The following SCHIP1 variants were observed in gnomAD, a reference collection of about 807,000 sequenced individuals.
The protein encoded by SCHIP1 is schwannomin-interacting protein 1.
SCHIP1 carries 8 observed loss-of-function variants against 29.7 expected under a neutral mutation model. The ratio of observed to expected loss-of-function variants is 0.27; its 90% CI spans 0.16 to 0.49. The LOEUF is 0.49. Among genes scored for constraint, SCHIP1 ranks in the 20% least tolerant of loss-of-function variants. The pLI is 0.99. For synonymous variants in SCHIP1, 76 were observed against 94.9 expected (o/e 0.80, Z 1.16); for missense variants, 193 against 294.6 (o/e 0.66, Z 2.52).
the SCHIP1 span, among the ~76,000 whole-genome samples, chr3:159,705,357 A>C: frequency 1.3e-3 from 191 of 152,234 alleles, no homozygotes; most frequent in African/African-American, 4.5e-3. Flanking sequence ...AGGATGGTTA[A>C]ATTGAGAATA....
chr3:159,289,379 C>T, the SCHIP1 span, among the ~76,000 whole-genome samples: 17,043 of 151,798 alleles, frequency 0.11, 1,080 homozygotes, highest in Middle Eastern at 0.14. Context: ...CCACACCAGC[C>T]TATAAGTTCA....
chr3:159,505,712 A>G, the SCHIP1 span, among the ~76,000 whole-genome samples: 1 of 152,130 alleles, frequency 6.6e-6, no homozygotes, highest in African/African-American at 2.4e-5. Context: ...ATGAGTGAGA[A>G]CATGAGGTGT....
the SCHIP1 span, among the ~76,000 whole-genome samples, chr3:159,806,597 G>T: frequency 4.3e-4 from 66 of 152,236 alleles, no homozygotes; most frequent in South Asian, 1.0e-3. Context: ...GGCACCAAAG[G>T]ACAGAGAGGA....
the SCHIP1 span, among the ~76,000 whole-genome samples, chr3:159,395,481 A>G: frequency 6.7e-6 from 1 of 149,772 alleles, no homozygotes; most frequent in Non-Finnish European, 1.5e-5. Flanking sequence ...CCCTCTACAC[A>G]CTGCTTTGAA....
the SCHIP1 span, among the ~76,000 whole-genome samples, chr3:159,378,575 G>C: frequency 3.9e-5 from 6 of 152,258 alleles, no homozygotes; most frequent in African/African-American, 1.4e-4. Flanking sequence ...TGCTTAATTG[G>C]TGTCAAGCTA....
At chr3:159,835,647 C>A (rs1743588696), upstream of SCHIP1, among the ~76,000 whole-genome samples, 1 of 152,070 alleles carries the variant, frequency 6.6e-6, no homozygotes, top group Non-Finnish European at 1.5e-5. Context: ...ATTTTATGTA[C>A]AAAGAAATGC....
chr3:159,789,867 A>G, the SCHIP1 span, among the ~76,000 whole-genome samples: 1 of 152,216 alleles, frequency 6.6e-6, no homozygotes, highest in Admixed American at 6.5e-5. Flanking sequence ...CACTAAAACT[A>G]CGGTGGTGAG....
chr3:159,472,438 T>C, the SCHIP1 span, among the ~76,000 whole-genome samples: 1 of 152,136 alleles, frequency 6.6e-6, no homozygotes, highest in Admixed American at 6.6e-5. Context: ...TTGCCCAAGG[T>C]CACACAGTGC....
At chr3:159,808,957 C>CA in the SCHIP1 span, among the ~76,000 whole-genome samples, 8,941 of 142,670 alleles carry the variant, frequency 0.063, 885 homozygotes, top group African/African-American at 0.21. Context: ...AACTCCGTCT[C>CA]AAAAAAAAAG....
chr3:159,737,007 T>C, the SCHIP1 span, among the ~76,000 whole-genome samples: 2 of 152,208 alleles, frequency 1.3e-5, no homozygotes, highest in Non-Finnish European at 2.9e-5. Context: ...GTGCTGGGAT[T>C]ACAGGCGTGA....
chr3:159,717,652 C>T, the SCHIP1 span, among the ~76,000 whole-genome samples: 1 of 152,154 alleles, frequency 6.6e-6, no homozygotes, highest in Non-Finnish European at 1.5e-5. Context: ...AATTCCTGAA[C>T]ACATACACCA....
the SCHIP1 span, among the ~76,000 whole-genome samples, chr3:159,749,494 A>T: frequency 6.6e-6 from 1 of 152,166 alleles, no homozygotes; most frequent in Non-Finnish European, 1.5e-5. Flanking sequence ...CTCCTTGGCC[A>T]TTGCTGTGGA....
At chr3:159,424,619 A>G in the SCHIP1 span, among the ~76,000 whole-genome samples, 41 of 152,360 alleles carry the variant, frequency 2.7e-4, no homozygotes, top group Middle Eastern at 6.8e-3. Flanking sequence ...AACACTCTGC[A>G]GGATATTATC....
At chr3:159,642,740 G>A in the SCHIP1 span, among the ~76,000 whole-genome samples, 1 of 152,086 alleles carries the variant, frequency 6.6e-6, no homozygotes, top group Admixed American at 6.6e-5. Flanking sequence ...TGCAGATTGT[G>A]AAGCCAATAG....
the SCHIP1 span, among the ~76,000 whole-genome samples, chr3:159,472,921 G>A: frequency 6.6e-6 from 1 of 152,164 alleles, no homozygotes; most frequent in African/African-American, 2.4e-5. Flanking sequence ...TGAGTCAAAT[G>A]TTTGTTCTCT....
At chr3:159,418,268 GC>G in the SCHIP1 span, among the ~76,000 whole-genome samples, 1 of 152,174 alleles carries the variant, frequency 6.6e-6, no homozygotes, top group Middle Eastern at 3.4e-3. Flanking sequence ...GTTGTTTCCA[GC>G]TTTTTGCTAG....
chr3:159,389,602 T>C, the SCHIP1 span, among the ~76,000 whole-genome samples: 1 of 152,072 alleles, frequency 6.6e-6, no homozygotes, highest in Non-Finnish European at 1.5e-5. Context: ...AGAAGTATTG[T>C]TTCTGATAGA....
chr3:159,645,812 G>A, the SCHIP1 span, among the ~76,000 whole-genome samples: 1 of 152,110 alleles, frequency 6.6e-6, no homozygotes, highest in Non-Finnish European at 1.5e-5. Flanking sequence ...AAAAATCAAA[G>A]GGTGGTGTCC....
chr3:159,890,437 C>T (rs1717395837), intron 5 of SCHIP1, among the ~76,000 whole-genome samples: 5 of 152,060 alleles, frequency 3.3e-5, no homozygotes, highest in Admixed American at 2.6e-4. Context: ...CACAAGAGCA[C>T]ACTGGAAAAA....
Sources: gnomAD v4.1 joint callset for allele counts (sites outside exome capture counted in the v4.1 genomes callset) on GRCh38, gnomAD v4.1.1 for gene constraint, MANE v1.5 for transcripts, NCBI Gene and HGNC (gene_info 2026-07-23, HGNC 2026-07-21) for gene names.